The following LOC128462377 variants were observed in gnomAD, a reference collection of about 807,000 sequenced individuals.
the LOC128462377 span, chr16:89,412,385 C>G: frequency 6.6e-6 from 1 of 152,354 alleles, no homozygotes; most frequent in African/African-American, 2.4e-5. Flanking sequence ...CGTGCCCCAT[C>G]CCTCCCCTCA....
chr16:89,328,593 G>A, the LOC128462377 span, among the ~76,000 whole-genome samples: 1 of 151,662 alleles, frequency 6.6e-6, no homozygotes, highest in African/African-American at 2.4e-5. Context: ...AGGCGTACGG[G>A]TGAATCTGCA....
the LOC128462377 span, among the ~76,000 whole-genome samples, chr16:89,331,766 A>G: frequency 6.6e-6 from 1 of 152,234 alleles, no homozygotes; most frequent in African/African-American, 2.4e-5. Context: ...GGCTACAGGC[A>G]TGAACCACCA....
chr16:89,405,553 C>A, the LOC128462377 span, among the ~76,000 whole-genome samples: 1 of 146,974 alleles, frequency 6.8e-6, no homozygotes, highest in Non-Finnish European at 1.5e-5. Context: ...GGGCTGGTCT[C>A]GAACTCCTGG....
the LOC128462377 span, chr16:89,412,557 A>G: frequency 2.0e-5 from 3 of 152,146 alleles, no homozygotes; most frequent in African/African-American, 7.2e-5. Context: ...CAGGAACCCA[A>G]TTACATCTGG....
At chr16:89,354,836 G>A in the LOC128462377 span, among the ~76,000 whole-genome samples, 53 of 151,760 alleles carry the variant, frequency 3.5e-4, no homozygotes, top group Non-Finnish European at 6.6e-4. Flanking sequence ...GCAGTGAGCC[G>A]AGATCACACC....
At chr16:89,401,731 C>G in the LOC128462377 span, among the ~76,000 whole-genome samples, 1 of 152,146 alleles carries the variant, frequency 6.6e-6, no homozygotes, top group Non-Finnish European at 1.5e-5. Context: ...GGCCCTCACC[C>G]CACAGAACTA....
At chr16:89,362,778 T>TTCC in the LOC128462377 span, among the ~76,000 whole-genome samples, 3 of 152,218 alleles carry the variant, frequency 2.0e-5, no homozygotes, top group African/African-American at 7.2e-5. Context: ...TCACGGCCTG[T>TTCC]TCCTCTTCCT....
the LOC128462377 span, among the ~76,000 whole-genome samples, chr16:89,385,061 T>C: frequency 6.6e-6 from 1 of 151,874 alleles, no homozygotes; most frequent in African/African-American, 2.4e-5. Context: ...AATTTTTGTA[T>C]TTTTAGTAGA....
At chr16:89,401,507 T>C in the LOC128462377 span, among the ~76,000 whole-genome samples, 1 of 152,234 alleles carries the variant, frequency 6.6e-6, no homozygotes, top group Non-Finnish European at 1.5e-5. Flanking sequence ...AAGTACATGA[T>C]ATATTCAACA....
the LOC128462377 span, among the ~76,000 whole-genome samples, chr16:89,332,193 A>T: frequency 1.3e-5 from 2 of 152,292 alleles, 1 homozygote; most frequent in South Asian, 4.1e-4. Context: ...CACAGAAATG[A>T]CTTCCTTACG....
At chr16:89,357,106 G>A in the LOC128462377 span, among the ~76,000 whole-genome samples, 1 of 152,232 alleles carries the variant, frequency 6.6e-6, no homozygotes, top group Admixed American at 6.5e-5. Flanking sequence ...GGATGAGTCT[G>A]TAGGAGGGAC....
At chr16:89,345,711 T>C in the LOC128462377 span, among the ~76,000 whole-genome samples, 2 of 152,244 alleles carry the variant, frequency 1.3e-5, no homozygotes, top group East Asian at 1.9e-4. Context: ...AGCTGAGTGA[T>C]GTTTAATCCA....
At chr16:89,363,156 A>T in the LOC128462377 span, among the ~76,000 whole-genome samples, 1 of 152,218 alleles carries the variant, frequency 6.6e-6, no homozygotes, top group Non-Finnish European at 1.5e-5. Context: ...AGCTGGGAAC[A>T]CGCCTATCCC....
chr16:89,377,671 G>T, the LOC128462377 span, among the ~76,000 whole-genome samples: 1 of 152,088 alleles, frequency 6.6e-6, no homozygotes, highest in African/African-American at 2.4e-5. Flanking sequence ...GAGGGGAGGG[G>T]TTCCCACGAC....
At chr16:89,323,859 G>A in the LOC128462377 span, 1 of 217,168 alleles carries the variant, frequency 4.6e-6, no homozygotes. Context: ...TAACATGGGT[G>A]TCCTCCGTCT....
the LOC128462377 span, among the ~76,000 whole-genome samples, chr16:89,376,173 T>C: frequency 4.9e-3 from 739 of 152,284 alleles, 4 homozygotes; most frequent in African/African-American, 0.017. Flanking sequence ...GGGTGCAGGA[T>C]TGCTATAAGA....
the LOC128462377 span, among the ~76,000 whole-genome samples, chr16:89,367,164 C>T: frequency 6.6e-6 from 1 of 152,208 alleles, no homozygotes; most frequent in Non-Finnish European, 1.5e-5. Context: ...AGAGCAGGCA[C>T]CTCAGGGGGA....
the LOC128462377 span, among the ~76,000 whole-genome samples, chr16:89,360,965 G>A: frequency 6.6e-5 from 10 of 152,168 alleles, no homozygotes; most frequent in African/African-American, 9.7e-5. Flanking sequence ...CATCAGGTGA[G>A]AGGCTCCTTG....
At chr16:89,395,517 C>T in the LOC128462377 span, among the ~76,000 whole-genome samples, 1 of 152,226 alleles carries the variant, frequency 6.6e-6, no homozygotes. Context: ...CCCACCCGAA[C>T]GGGGAACCGA....
Sources: gnomAD v4.1 joint callset for allele counts (sites outside exome capture counted in the v4.1 genomes callset) on GRCh38, gnomAD v4.1.1 for gene constraint, MANE v1.5 for transcripts.